BLTP3B: variants seen among roughly 807,000 people sequenced by gnomAD.
BLTP3B encodes the protein UHRF1 (ICBP90) binding protein 1-like.
chr12:100,130,987 GAGAGA>G, the BLTP3B span, among the ~76,000 whole-genome samples: 4 of 76,336 alleles, frequency 5.2e-5, no homozygotes, highest in East Asian at 6.2e-4. Context: ...GGGAGGGAGA[GAGAGA>G]GAGAGAGAGA....
the BLTP3B span, among the ~76,000 whole-genome samples, chr12:100,043,612 T>C: frequency 6.6e-6 from 1 of 152,228 alleles, no homozygotes; most frequent in Non-Finnish European, 1.5e-5. Flanking sequence ...CTGTTTCTAT[T>C]TGCCATAGCT....
chr12:100,062,946 T>G, the BLTP3B span, among the ~76,000 whole-genome samples: 1 of 147,800 alleles, frequency 6.8e-6, no homozygotes, highest in Non-Finnish European at 1.5e-5. Context: ...AGGCACAGAG[T>G]GAGGCTGTCT....
At chr12:100,059,608 C>CCGGGCGCGG in the BLTP3B span, 2 of 1,436,266 alleles carry the variant, frequency 1.4e-6, no homozygotes, top group Non-Finnish European at 1.8e-6. Context: ...CATGACTTAG[C>CCGGGCGCGG]TCAGAAATTC....
the BLTP3B span, chr12:100,050,403 C>T: frequency 1.6e-6 from 2 of 1,252,750 alleles, no homozygotes; most frequent in Non-Finnish European, 2.1e-6. Flanking sequence ...TACCATTACC[C>T]TCTAAAAATA....
At chr12:100,077,786 C>T in the BLTP3B span, among the ~76,000 whole-genome samples, 1 of 152,116 alleles carries the variant, frequency 6.6e-6, no homozygotes, top group Non-Finnish European at 1.5e-5. Context: ...CATATATTAT[C>T]GTGTTGGTCT....
the BLTP3B span, among the ~76,000 whole-genome samples, chr12:100,085,296 G>A: frequency 2.7e-4 from 41 of 151,902 alleles, no homozygotes; most frequent in South Asian, 8.5e-3. Context: ...GCAGAAGGTC[G>A]AGGCTGTAGT....
At chr12:100,142,755 C>T in the BLTP3B span, 1 of 1,438,508 alleles carries the variant, frequency 7.0e-7, no homozygotes, top group Non-Finnish European at 9.3e-7. Flanking sequence ...CGCTCACGAC[C>T]GGGAGAGACC....
the BLTP3B span, among the ~76,000 whole-genome samples, chr12:100,130,985 GA>G: frequency 0.26 from 15,330 of 57,876 alleles, 1,797 homozygotes; most frequent in African/African-American, 0.52. Context: ...GAGGGAGGGA[GA>G]GAGAGAGAGA....
the BLTP3B span, among the ~76,000 whole-genome samples, chr12:100,138,910 CTTCTGCTTTTATTTCCTTTCTCACATTTG>C: frequency 6.6e-6 from 1 of 152,148 alleles, no homozygotes; most frequent in African/African-American, 2.4e-5. Flanking sequence ...TGAAAGGTAG[CTTCTGCTTTTATTTCCTTTCTCACATTTG>C]TTACGACTTC....
chr12:100,042,806 T>C, the BLTP3B span, among the ~76,000 whole-genome samples: 1 of 152,174 alleles, frequency 6.6e-6, no homozygotes, highest in African/African-American at 2.4e-5. Flanking sequence ...CAATCAAGTT[T>C]GTTTGTTTTT....
the BLTP3B span, among the ~76,000 whole-genome samples, chr12:100,112,740 A>G: frequency 6.6e-6 from 1 of 151,804 alleles, no homozygotes; most frequent in African/African-American, 2.4e-5. Flanking sequence ...ATGCACAAAA[A>G]GCCAAGAATC....
the BLTP3B span, among the ~76,000 whole-genome samples, chr12:100,038,820 T>C: frequency 1.1e-4 from 16 of 152,348 alleles, no homozygotes; most frequent in South Asian, 8.3e-4. Flanking sequence ...CTGCGTCACA[T>C]AGATACATTA....
the BLTP3B span, among the ~76,000 whole-genome samples, chr12:100,069,441 T>C: frequency 1.3e-5 from 2 of 152,058 alleles, no homozygotes; most frequent in African/African-American, 4.8e-5. Flanking sequence ...TGTATGTATA[T>C]ACATACATAT....
chr12:100,041,562 G>A, the BLTP3B span, among the ~76,000 whole-genome samples: 23 of 147,136 alleles, frequency 1.6e-4, no homozygotes, highest in African/African-American at 2.8e-4. Context: ...TCAGCCTCCC[G>A]AGTAGCTGGG....
chr12:100,041,591 C>T, the BLTP3B span, among the ~76,000 whole-genome samples: 1 of 151,926 alleles, frequency 6.6e-6, no homozygotes, highest in Non-Finnish European at 1.5e-5. Flanking sequence ...TGGACACTAC[C>T]ACACCCAGCT....
the BLTP3B span, among the ~76,000 whole-genome samples, chr12:100,052,352 C>G: frequency 6.6e-6 from 1 of 151,796 alleles, no homozygotes; most frequent in Non-Finnish European, 1.5e-5. Flanking sequence ...CCCCTCTAAA[C>G]AAATTTTTTT....
the BLTP3B span, among the ~76,000 whole-genome samples, chr12:100,092,036 T>C: frequency 6.6e-6 from 1 of 151,872 alleles, no homozygotes; most frequent in African/African-American, 2.4e-5. Flanking sequence ...CTTGAACTTC[T>C]GACCTCAAAA....
the BLTP3B span, chr12:100,058,831 T>C: frequency 1.9e-6 from 3 of 1,613,986 alleles, no homozygotes; most frequent in Non-Finnish European, 8.5e-7. Context: ...ATCTGCATAC[T>C]GACATGTTTA....
the BLTP3B span, chr12:100,037,737 A>G: frequency 1.2e-6 from 2 of 1,602,404 alleles, no homozygotes; most frequent in Non-Finnish European, 1.7e-6. Flanking sequence ...TGTTTAAGAG[A>G]TTCATTCTCT....
Sources: allele counts gnomAD v4.1 joint callset (sites outside exome capture counted in the v4.1 genomes callset), GRCh38; gene constraint gnomAD v4.1.1; transcripts MANE v1.5; gene names NCBI Gene and HGNC (gene_info 2026-07-23, HGNC 2026-07-21).